The following CPE variants were observed in gnomAD, a reference collection of about 807,000 sequenced individuals.
CPE encodes the protein carbocypeptidase E.
CPE carries 17 observed loss-of-function variants against 53.5 expected under a neutral mutation model. The ratio of observed to expected loss-of-function variants is 0.32; its 90% CI spans 0.22 to 0.48. The LOEUF (loss-of-function observed/expected upper bound fraction) is 0.48. CPE is among the 20% of genes least tolerant of loss of function. The pLI is 0.99. For missense variants in CPE, 524 were observed against 614.7 expected, an observed-to-expected ratio of 0.85 and a Z score of 1.56; for synonymous variants, 226 against 228.8, an observed-to-expected ratio of 0.99 and a Z score of 0.11.
At chr4:165,480,906 T>C (rs1002155248) in intron 3 of CPE, among the ~76,000 whole-genome samples, 8 of 151,368 alleles carry the variant, frequency 5.3e-5, no homozygotes, top group Non-Finnish European at 1.2e-4. Flanking sequence ...TATATACAAA[T>C]GTTAGTAGTG....
chr4:165,403,299 TGAAAA>T (rs1347813274), intron 1 of CPE, among the ~76,000 whole-genome samples: 1 of 151,898 alleles, frequency 6.6e-6, no homozygotes, highest in African/African-American at 2.4e-5. Flanking sequence ...CAACTAAATG[TGAAAA>T]GAAAACAGTG....
At chr4:165,386,578 A>G (rs1006222786) in intron 1 of CPE, among the ~76,000 whole-genome samples, 1 of 152,224 alleles carries the variant, frequency 6.6e-6, no homozygotes, top group African/African-American at 2.4e-5. Flanking sequence ...AGTTTTGCAT[A>G]ATGGAGAAAT....
At chr4:165,486,612 G>A (rs1237365384) in intron 5 of CPE, among the ~76,000 whole-genome samples, 1 of 152,124 alleles carries the variant, frequency 6.6e-6, no homozygotes, top group Non-Finnish European at 1.5e-5. Context: ...AATTCTGGGT[G>A]AGCTGTTAAA....
chr4:165,423,958 A>G (rs1193096589), intron 1 of CPE, among the ~76,000 whole-genome samples: 1 of 151,902 alleles, frequency 6.6e-6, no homozygotes, highest in Non-Finnish European at 1.5e-5. Context: ...CCATGTCCCT[A>G]CAAAGGACAT....
chr4:165,387,049 T>C (rs533104466), intron 1 of CPE, among the ~76,000 whole-genome samples: 1 of 152,334 alleles, frequency 6.6e-6, no homozygotes, highest in African/African-American at 2.4e-5. Context: ...CGTGAGTCCG[T>C]TGCTCTGTGA....
chr4:165,456,555 TTTC>T (rs1731905477), intron 1 of CPE, among the ~76,000 whole-genome samples: 1 of 141,140 alleles, frequency 7.1e-6, no homozygotes, highest in African/African-American at 3.1e-5. Flanking sequence ...TCTCTCTCTC[TTTC>T]TCTCTCTCTC....
chr4:165,424,681 C>T (rs188488245), intron 1 of CPE, among the ~76,000 whole-genome samples: 1,527 of 151,638 alleles, frequency 0.01, 21 homozygotes, highest in African/African-American at 0.034. Context: ...TTACAGGCGC[C>T]CGCCACCACG....
At position 165,464,591 on chromosome 4, in the gene CPE, G is replaced by A; in HGVS notation, c.504+5G>A. The A allele has an allele frequency of 6.2e-7, 1 of 1,603,164 alleles. No individual in the cohort carries two copies. The highest frequency in any genetic ancestry group is 8.5e-7 in the Non-Finnish European group (1 of 1,174,050). On this transcript the variant is annotated splice_donor_5th_base_variant and intron_variant, in intron 2 of 8. Coordinates refer to ENST00000402744, the MANE Select transcript of CPE (RefSeq NM_001873.4). ...TTTGAGAAGGCAGCGTCTCAGGTGAGTGCCAGGCAGCTCAGATCAGGCGTG... is the reference window on the plus strand; with the variant it reads ...TTTGAGAAGGCAGCGTCTCAGGTGAATGCCAGGCAGCTCAGATCAGGCGTG...
In CPE at chr4:165,481,019, T is replaced by A. The variant is rs1364774746; in HGVS notation, c.673-1223T>A. Among the ~76,000 whole-genome samples the A allele has an allele frequency of 4.5e-3, 577 of 127,486 alleles. 4 individuals are homozygous for A. The highest frequency in any genetic ancestry group is 0.018 in the African/African-American group (480 of 27,068). The allele number at this position is 127,486 out of a possible 152,430, so 83.6% of individuals were successfully genotyped here. ...GGATATATATATATATATATATATT[T>A]TTTTTTTTTTTTTTAGCAAAAATAA... On this transcript the variant is annotated intron_variant, in intron 3 of 8. Transcript: ENST00000402744.
At chr4:165,491,034 G>T (rs890458718) in intron 6 of CPE, among the ~76,000 whole-genome samples, 2 of 152,156 alleles carry the variant, frequency 1.3e-5, no homozygotes, top group Non-Finnish European at 2.9e-5. Flanking sequence ...AGTTGACACA[G>T]CCCATACACT....
chr4:165,483,034 C>T (rs1354311650), intron 4 of CPE, among the ~76,000 whole-genome samples: 1 of 151,058 alleles, frequency 6.6e-6, no homozygotes, highest in Admixed American at 6.6e-5. Flanking sequence ...TTCGGGGTAC[C>T]TGTGTAGGTT....
intron 1 of CPE, among the ~76,000 whole-genome samples, chr4:165,407,216 A>G (rs1279167115): frequency 6.6e-6 from 1 of 152,210 alleles, no homozygotes; most frequent in Non-Finnish European, 1.5e-5. Flanking sequence ...GGCAGTGTAC[A>G]AAGGTTCCAA....
At position 165,405,209 on chromosome 4, in the gene CPE, C is replaced by T. The variant is rs925834994; in HGVS notation, c.307+25681C>T. The T allele has an allele frequency of 7.4e-5, 58 of 786,942 alleles. No homozygotes were observed. The Middle Eastern group carries it at 1.0e-3, about 14-fold the overall frequency. The allele number at this position is 786,942 out of a possible 1,614,324, so 48.7% of individuals were successfully genotyped here. A position where few individuals can be genotyped will look rare whatever the true frequency, so the allele number is the denominator to read the frequency against. On this transcript the variant is annotated intron_variant, in intron 1 of 8. Transcript: ENST00000402744. ...TGTGGCATCTTTAAGTATAGTCTTT[C>T]GCCCCTTATCCACGGAGACTTGGGC...
At chr4:165,453,354 T>C (rs1218907632) in intron 1 of CPE, among the ~76,000 whole-genome samples, 2 of 148,850 alleles carry the variant, frequency 1.3e-5, no homozygotes, top group African/African-American at 2.5e-5. Context: ...CTTCCTTCCT[T>C]TCTCTCTCTC....
At position 165,379,541 on chromosome 4, in the gene CPE, C is replaced by T. The variant is rs752930489; in HGVS notation, c.307+13C>T. Reference sequence around the variant, plus strand: ...GTCCATGAGCCTGGTAAGGGCGCTGCCCCCTGACAGCCCTGGGGGCATCCC... The same window carrying T: ...GTCCATGAGCCTGGTAAGGGCGCTGTCCCCTGACAGCCCTGGGGGCATCCC... On this transcript the variant is annotated intron_variant, in intron 1 of 8. Coordinates refer to ENST00000402744, the MANE Select transcript of CPE (RefSeq NM_001873.4). The surrounding 1 kb of genome is among the most constrained non-coding windows in gnomAD (Gnocchi z 6.0). 93 of 1,547,090 alleles carry T rather than the reference C, an allele frequency of 6.0e-5. No individual in the cohort carries two copies. In the East Asian group the frequency reaches 1.2e-3, roughly 20 times the overall value.
intron 1 of CPE, among the ~76,000 whole-genome samples, chr4:165,463,968 C>G (rs1732052970): frequency 6.6e-6 from 1 of 152,210 alleles, no homozygotes; most frequent in South Asian, 2.1e-4. Flanking sequence ...GGTGAGGCCT[C>G]TCCTCCTGGC....
chr4:165,402,043 T>A (rs1730877015), intron 1 of CPE, among the ~76,000 whole-genome samples: 1 of 152,224 alleles, frequency 6.6e-6, no homozygotes, highest in African/African-American at 2.4e-5. Flanking sequence ...TATTTTATTT[T>A]TTATATCAGT....
At chr4:165,422,749 G>A (rs1047502430) in intron 1 of CPE, among the ~76,000 whole-genome samples, 2 of 152,056 alleles carry the variant, frequency 1.3e-5, no homozygotes, top group Admixed American at 6.6e-5. Context: ...AGGCCGAGGC[G>A]GGTGGATCAC....
intron 3 of CPE, among the ~76,000 whole-genome samples, chr4:165,479,849 A>G (rs1194940134): frequency 6.6e-6 from 1 of 152,120 alleles, no homozygotes; most frequent in Non-Finnish European, 1.5e-5. Flanking sequence ...AAAATTAGCC[A>G]GGTGTGGTGG....
Sources: allele counts gnomAD v4.1 joint callset (sites outside exome capture counted in the v4.1 genomes callset), GRCh38; gene constraint gnomAD v4.1.1; non-coding constraint Gnocchi (gnomAD v3.1); transcripts MANE v1.5; gene names NCBI Gene and HGNC (gene_info 2026-07-23, HGNC 2026-07-21).